PRKG1: variants seen among roughly 807,000 people sequenced by gnomAD.
PRKG1 encodes the protein cGMP-dependent protein kinase 1.
PRKG1 carries 35 observed loss-of-function variants against 88.1 expected under a neutral mutation model. The ratio of observed to expected loss-of-function variants is 0.40; its 90% confidence interval spans 0.30 to 0.53. The LOEUF is 0.53. Among genes scored for constraint, PRKG1 ranks in the 20% least tolerant of loss-of-function variants. PRKG1 has a pLI of 0.59. For synonymous variants in PRKG1, 303 were observed against 292.5 expected (o/e 1.04, Z -0.37); for missense variants, 540 against 839.8 (o/e 0.64, Z 4.41).
chr10:51,777,003 G>C (rs1284722266), intron 3 of PRKG1, among the ~76,000 whole-genome samples: 3 of 152,026 alleles, frequency 2.0e-5, no homozygotes, highest in Non-Finnish European at 4.4e-5. Flanking sequence ...TTAAAAACAA[G>C]TATTAGAGTG....
chr10:51,873,219 AT>A (rs1233502097), intron 4 of PRKG1, among the ~76,000 whole-genome samples: 2 of 152,090 alleles, frequency 1.3e-5, no homozygotes, highest in Non-Finnish European at 2.9e-5. Context: ...CAAAATAATA[AT>A]TTTTGTTTTC....
Position 51,425,876 on chromosome 10 carries a change from T to A in PRKG1, c.479-41847T>A, listed in dbSNP as rs1838566428. Among the ~76,000 whole-genome samples the A allele has an allele frequency of 4.6e-5, 7 of 152,340 alleles. No individual in the cohort carries two copies. The South Asian group carries it at 1.2e-3, about 27-fold the overall frequency. Reference sequence around the variant, plus strand: ...AGAAAATGGACACTTTAGGTGGATGTGTTTTTCATGGCAATTCCGTAGGCT... The same window carrying A: ...AGAAAATGGACACTTTAGGTGGATGAGTTTTTCATGGCAATTCCGTAGGCT... On this transcript the variant is annotated intron_variant, in intron 2 of 17. Coordinates refer to ENST00000373980, the MANE Select transcript of PRKG1 (RefSeq NM_006258.4).
At chr10:52,279,655 A>T (rs1283186586) in intron 12 of PRKG1, among the ~76,000 whole-genome samples, 2 of 150,828 alleles carry the variant, frequency 1.3e-5, no homozygotes, top group African/African-American at 4.9e-5. Context: ...CACAATTTTG[A>T]AAAAAAAATA....
chr10:51,704,714 C>T (rs1056252973), intron 3 of PRKG1, among the ~76,000 whole-genome samples: 6 of 152,048 alleles, frequency 3.9e-5, no homozygotes, highest in African/African-American at 1.4e-4. Flanking sequence ...GTGTTTTTTA[C>T]GGCCTCAGAG....
At chr10:51,268,378 TG>T (rs1292905024) in intron 2 of PRKG1, among the ~76,000 whole-genome samples, 5 of 152,118 alleles carry the variant, frequency 3.3e-5, no homozygotes, top group Non-Finnish European at 7.4e-5. Flanking sequence ...TATGGGAGAC[TG>T]GGGCTTATTT....
At chr10:51,693,213 A>C (rs1564609119) in intron 3 of PRKG1, among the ~76,000 whole-genome samples, 1 of 147,380 alleles carries the variant, frequency 6.8e-6, no homozygotes, top group Non-Finnish European at 1.5e-5. Flanking sequence ...ACTTAAACCC[A>C]GGAGGCAGAG....
At chr10:51,727,578 C>T (rs1235951785) in intron 3 of PRKG1, among the ~76,000 whole-genome samples, 1 of 152,146 alleles carries the variant, frequency 6.6e-6, no homozygotes, top group Non-Finnish European at 1.5e-5. Flanking sequence ...TGGCCATTAG[C>T]ACAGAAATTT....
chr10:51,113,214 C>T (rs74131749), intron 1 of PRKG1, among the ~76,000 whole-genome samples: 4,883 of 152,238 alleles, frequency 0.032, 200 homozygotes, highest in African/African-American at 0.093. Context: ...GAGTGAGGTT[C>T]AGAGAAGTTA....
intron 3 of PRKG1, among the ~76,000 whole-genome samples, chr10:51,778,129 T>C (rs1838489074): frequency 6.6e-6 from 1 of 152,136 alleles, no homozygotes; most frequent in Non-Finnish European, 1.5e-5. Flanking sequence ...TAACTTGACA[T>C]TTCCAGTTCC....
intron 1 of PRKG1, among the ~76,000 whole-genome samples, chr10:51,089,709 A>G (rs1372995311): frequency 6.6e-6 from 1 of 152,230 alleles, no homozygotes; most frequent in Non-Finnish European, 1.5e-5. Flanking sequence ...GGCTAGAAAA[A>G]TAAATATGTG....
chr10:51,785,314 A>G (rs898954937), intron 3 of PRKG1, among the ~76,000 whole-genome samples: 1 of 151,582 alleles, frequency 6.6e-6, no homozygotes, highest in African/African-American at 2.4e-5. Context: ...ACCTCTGTCC[A>G]CTGTTACTGT....
intron 3 of PRKG1, among the ~76,000 whole-genome samples, chr10:51,743,711 A>AAT (rs202116169): frequency 7.3e-4 from 84 of 115,140 alleles, no homozygotes; most frequent in East Asian, 5.2e-3. Context: ...ATATAAACTA[A>AAT]ATATATATAT....
chr10:51,110,366 A>G (rs1195097748), intron 1 of PRKG1, among the ~76,000 whole-genome samples: 1 of 152,162 alleles, frequency 6.6e-6, no homozygotes, highest in Non-Finnish European at 1.5e-5. Flanking sequence ...CTACTCAATA[A>G]TAAAAAGCAA....
intron 3 of PRKG1, among the ~76,000 whole-genome samples, chr10:51,571,742 TATAGTTC>T (rs986908365): frequency 1.9e-4 from 29 of 152,020 alleles, no homozygotes; most frequent in African/African-American, 7.0e-4. Context: ...TAACAAAGAT[TATAGTTC>T]ATAATGGGGG....
chr10:51,087,369 A>G (rs941634332), intron 1 of PRKG1, among the ~76,000 whole-genome samples: 4 of 152,198 alleles, frequency 2.6e-5, no homozygotes, highest in African/African-American at 7.2e-5. Context: ...CATATATGTG[A>G]TCTCATTTAA....
chr10:51,421,798 A>G (rs1838423306), intron 2 of PRKG1, among the ~76,000 whole-genome samples: 1 of 152,192 alleles, frequency 6.6e-6, no homozygotes, highest in African/African-American at 2.4e-5. Flanking sequence ...CACTCATTCT[A>G]AGATCCCTAT....
intron 5 of PRKG1, among the ~76,000 whole-genome samples, chr10:51,957,789 A>T (rs763626999): frequency 6.6e-6 from 1 of 152,172 alleles, no homozygotes. Flanking sequence ...TTTTCATCCA[A>T]TGAAATCACA....
intron 1 of PRKG1, among the ~76,000 whole-genome samples, chr10:51,143,677 A>G (rs1845875211): frequency 6.6e-6 from 1 of 152,014 alleles, no homozygotes; most frequent in South Asian, 2.1e-4. Context: ...AACAGGTGTA[A>G]GGTTAGATCT....
At chr10:51,134,008 T>C (rs1226455190) in intron 1 of PRKG1, among the ~76,000 whole-genome samples, 1 of 152,188 alleles carries the variant, frequency 6.6e-6, no homozygotes, top group Non-Finnish European at 1.5e-5. Context: ...TTATTTAAAG[T>C]TAACTTATAA....
Sources: gnomAD v4.1 joint callset for allele counts (sites outside exome capture counted in the v4.1 genomes callset) on GRCh38, gnomAD v4.1.1 for gene constraint, MANE v1.5 for transcripts, NCBI Gene and HGNC (gene_info 2026-07-23, HGNC 2026-07-21) for gene names.